Variants in C2CD2 observed in about 807,000 individuals in gnomAD.
The protein encoded by C2CD2 is C2 calcium dependent domain containing 2, also known as C2 domain-containing protein 2.
C2CD2 carries 43 observed loss-of-function variants against 74.3 expected under a neutral mutation model. The observed-to-expected ratio is 0.58, with a 90% CI of 0.45 to 0.75. The LOEUF is 0.75. Among genes scored for constraint, C2CD2 ranks in the 30% least tolerant of loss-of-function variants. C2CD2 has a pLI of 0.00. For synonymous variants in C2CD2, 422 were observed against 390.7 expected (o/e 1.08, Z -0.94); for missense variants, 801 against 916.3 (o/e 0.87, Z 1.63).
chr21:41,948,378 C>A (rs964535193), intron 1 of C2CD2, among the ~76,000 whole-genome samples: 3 of 152,146 alleles, frequency 2.0e-5, no homozygotes, highest in African/African-American at 7.2e-5. Flanking sequence ...ATAAGTGACT[C>A]CGGGGGGGTC....
chr21:41,938,690 G>A (rs1204646064), intron 2 of C2CD2, among the ~76,000 whole-genome samples: 3 of 151,370 alleles, frequency 2.0e-5, no homozygotes, highest in Non-Finnish European at 4.4e-5. Flanking sequence ...TGAACATAAT[G>A]TCCTCAAGGT....
intron 2 of C2CD2, among the ~76,000 whole-genome samples, chr21:41,936,823 T>C (rs1034851446): frequency 1.4e-5 from 2 of 145,846 alleles, no homozygotes; most frequent in Non-Finnish European, 3.0e-5. Flanking sequence ...TCCTTTTTTT[T>C]TTTTTTTTTT....
chr21:41,918,322 G>A lies in C2CD2; in HGVS notation c.598-95C>T, dbSNP rs2065116003. On this transcript the variant is annotated intron_variant, in intron 4 of 13. Coordinates refer to ENST00000380486, the MANE Select transcript of C2CD2 (RefSeq NM_015500.2). ...CAGGTGACTAAAACCATGCAAAGTA[G>A]GAAGGAAGGAAATTACCTTCAGATT... is the stretch of plus-strand genomic sequence containing the variant. 3.1e-6 allele frequency: 4 copies of A among 1,307,444 alleles called. No individual in the cohort carries two copies. The Admixed American group carries it at 7.0e-5, about 23-fold the overall frequency. 81.0% of individuals were successfully genotyped at this position (1,307,444 alleles called of 1,614,324 possible).
intron 2 of C2CD2, among the ~76,000 whole-genome samples, chr21:41,940,039 C>A (rs1215775246): frequency 1.3e-5 from 2 of 152,028 alleles, no homozygotes; most frequent in African/African-American, 4.8e-5. Flanking sequence ...ATGTGATGCT[C>A]GAAGGAAATG....
rs139227627 is a variant in C2CD2 at position 41,942,093 on chromosome 21, C to T, written c.378+54G>A. ...ATGATTCTAAACAAAGCAAACTCCC[C>T]GTCCCCGGCATCAAGTTCACCTCTT... On this transcript the variant is annotated intron_variant, in intron 2 of 13. Transcript: ENST00000380486. 6.3e-4 allele frequency: 972 copies of T among 1,541,772 alleles called. 4 individuals are homozygous for T. In the African/African-American group the frequency reaches 0.012, roughly 19 times the overall value.
intron 7 of C2CD2, among the ~76,000 whole-genome samples, chr21:41,911,615 C>T (rs187686369): frequency 3.2e-4 from 48 of 151,920 alleles, no homozygotes; most frequent in Non-Finnish European, 1.2e-4. Context: ...AGGTTGGTCT[C>T]GAACTCCTGA....
intron 11 of C2CD2, among the ~76,000 whole-genome samples, chr21:41,902,052 T>C (rs1189265489): frequency 2.0e-5 from 3 of 152,224 alleles, no homozygotes; most frequent in Non-Finnish European, 4.4e-5. Flanking sequence ...GTTTGCTGTT[T>C]GCTGACCCCT....
Position 41,898,970 on chromosome 21 carries a change from G to GCAGATGACTTCAGCTTGGAAGC in C2CD2, c.1870+61_1870+82dup, listed in dbSNP as rs372393357. ...TTTGTAGGGGACAAAGGGAAGGAAGGCAGATGACTTCAGCTTGGAAGCCAG... is the reference window on the plus strand; with the variant it reads ...TTTGTAGGGGACAAAGGGAAGGAAGGCAGATGACTTCAGCTTGGAAGCCAGATGACTTCAGCTTGGAAGCCAG... On this transcript the variant is annotated intron_variant, in intron 13 of 13. Transcript: ENST00000380486. 3.8e-3 allele frequency: 3,832 copies of GCAGATGACTTCAGCTTGGAAGC among 1,018,136 alleles called. 110 individuals carry two copies. In the African/African-American group the frequency reaches 0.054, roughly 14 times the overall value. 63.1% of individuals were successfully genotyped at this position (1,018,136 alleles called of 1,614,324 possible).
rs1435446446 is a variant in C2CD2, at chr21:41,926,106, G to A, written c.379-4021C>T. ...TGACAGTGAACTCCTCAGAGGACAG[G>A]AGTGAACCCCCAGCCCCAGGGAAGA... On this transcript the variant is annotated intron_variant, in intron 2 of 13. Transcript: ENST00000380486. This position sits in a 1 kb window ranked among gnomAD's most constrained non-coding sequence, Gnocchi z 8.0. Among the ~76,000 whole-genome samples, 1 of 152,198 alleles carries A rather than the reference G, an allele frequency of 6.6e-6. No individual in the cohort carries two copies. Among genetic ancestry groups the A allele is most frequent in the East Asian group, 1.9e-4 (1 of 5,192 alleles).
At position 41,939,808 on chromosome 21, in the gene C2CD2, A is replaced by C. The variant is rs943718478; in HGVS notation, c.378+2339T>G. 6.6e-6 allele frequency among the ~76,000 whole-genome samples: 1 copy of C among 152,216 alleles called. No individual in the cohort carries two copies. ...TGGGGCAGAGAAAACCGGGAACAGC[A>C]CTTTGGTGACTGACTCAGGAATACT... On this transcript the variant is annotated intron_variant, in intron 2 of 13. Coordinates refer to ENST00000380486, the MANE Select transcript of C2CD2 (RefSeq NM_015500.2). This position sits in a 1 kb window ranked among gnomAD's most constrained non-coding sequence, Gnocchi z 5.5.
rs900530877 is a variant in C2CD2 at position 41,924,190 on chromosome 21, G to A, written c.379-2105C>T. 6.6e-6 allele frequency among the ~76,000 whole-genome samples: 1 copy of A among 152,198 alleles called. No homozygotes were observed. The highest frequency in any genetic ancestry group is 2.4e-5 in the African/African-American group (1 of 41,444). ...GGCCTGCTATTCCCCCAAGTTCAGG[G>A]CTAGGACATTCCCCTGTACTTTCTC... On this transcript the variant is annotated intron_variant, in intron 2 of 13. Coordinates refer to ENST00000380486, the MANE Select transcript of C2CD2 (RefSeq NM_015500.2). The surrounding 1 kb of genome is among the most constrained non-coding windows in gnomAD (Gnocchi z 4.4).
chr21:41,923,762 T>G lies in C2CD2; in HGVS notation c.379-1677A>C, dbSNP rs1351263161. 6.6e-6 allele frequency among the ~76,000 whole-genome samples: 1 copy of G among 152,156 alleles called. No individual in the cohort carries two copies. The highest frequency in any genetic ancestry group is 1.5e-5 in the Non-Finnish European group (1 of 68,030). Reference sequence around the variant, plus strand: ...ACCATGGCACAGAGAGAGATCTAGTTTCTGCCACAGATTCCTCTACAGAAG... The same window carrying G: ...ACCATGGCACAGAGAGAGATCTAGTGTCTGCCACAGATTCCTCTACAGAAG... On this transcript the variant is annotated intron_variant, in intron 2 of 13. Transcript: ENST00000380486. The surrounding 1 kb of genome is among the most constrained non-coding windows in gnomAD (Gnocchi z 5.8).
At chr21:41,950,554 G>C (rs2065442017) in intron 1 of C2CD2, among the ~76,000 whole-genome samples, 1 of 152,170 alleles carries the variant, frequency 6.6e-6, no homozygotes, top group Non-Finnish European at 1.5e-5. Context: ...CCCACTGTTT[G>C]GGATAACACA....
At chr21:41,931,638 G>A (rs191347819) in intron 2 of C2CD2, among the ~76,000 whole-genome samples, 1,542 of 149,964 alleles carry the variant, frequency 0.01, 100 homozygotes, top group Non-Finnish European at 0.016. Context: ...GGCCAGGATG[G>A]TCTTGATCCC....
intron 1 of C2CD2, 100 bp from the exon 2 acceptor site, chr21:41,942,345 T>A: frequency 1.1e-6 from 1 of 883,238 alleles, no homozygotes; most frequent in Non-Finnish European, 1.8e-6. Flanking sequence ...GAAAATGTAC[T>A]AACACATCTT....
intron 2 of C2CD2, among the ~76,000 whole-genome samples, chr21:41,941,090 A>G (rs2065350787): frequency 6.6e-6 from 1 of 152,154 alleles, no homozygotes; most frequent in Non-Finnish European, 1.5e-5. Context: ...GGAGAGTCAC[A>G]TCTATAATCC....
rs186101975 is a variant in C2CD2, at chr21:41,949,989, G to A, written c.279+3381C>T. ...AACATCACACACCAGGGCCTGTCAG[G>A]GACTGGGCGGCTGGGGAAGGGATAG... On this transcript the variant is annotated intron_variant, in intron 1 of 13. Transcript: ENST00000380486. 1.0e-3 allele frequency among the ~76,000 whole-genome samples: 155 copies of A among 152,250 alleles called. 1 individual carries two copies. The highest frequency in any genetic ancestry group is 1.6e-3 in the Admixed American group (25 of 15,288).
intron 1 of C2CD2, among the ~76,000 whole-genome samples, chr21:41,943,587 C>T (rs2065373497): frequency 1.3e-5 from 2 of 152,184 alleles, no homozygotes; most frequent in South Asian, 4.1e-4. Flanking sequence ...CGTATCTCAT[C>T]TCCACCGTGG....
intron 3 of C2CD2, chr21:41,919,180 G>A (rs1006592541): frequency 1.7e-6 from 1 of 587,484 alleles, no homozygotes; most frequent in East Asian, 2.8e-5. Context: ...GTGTGCATGT[G>A]AGTGTGAATG....
Sources: allele counts gnomAD v4.1 joint callset (sites outside exome capture counted in the v4.1 genomes callset), GRCh38; gene constraint gnomAD v4.1.1; non-coding constraint Gnocchi (gnomAD v3.1); transcripts MANE v1.5; gene names NCBI Gene and HGNC (gene_info 2026-07-23, HGNC 2026-07-21).